OR51L1: variants seen among roughly 807,000 people sequenced by gnomAD.
OR51L1 encodes olfactory receptor 51L1.
A neutral mutation model predicts 1.4 loss-of-function variants in OR51L1; 1 was observed. The observed-to-expected ratio is 0.72, with a 90% confidence interval of 0.26 to 3.42. The LOEUF (loss-of-function observed/expected upper bound fraction) is 3.42. OR51L1 is among the 30% of genes most tolerant of loss of function. The pLI, the probability that OR51L1 is intolerant of heterozygous loss-of-function variation, is 0.20. For synonymous variants in OR51L1, 156 were observed against 144.2 expected, an observed-to-expected ratio of 1.08 and a Z score of -0.59; for missense variants, 378 against 380.0, an observed-to-expected ratio of 0.99 and a Z score of 0.04.
rs780928560 is a variant in OR51L1, at chr11:4,999,625, T to G, written c.643T>G (p.Phe215Val). The change falls in exon 3 of 3, where the codon TTC becomes GTC. Residue 215 changes from phenylalanine to valine, a missense_variant. Physicochemically the swap from Phe to Val is conservative, Grantham distance 50. Coordinates refer to ENST00000641819, the MANE Select transcript of OR51L1 (RefSeq NM_001004755.2). ...VIATLGVDSI[F>V]ILLSYVLILN... ...TGCCACACTAGGTGTGGATTCAATC[T>G]TCATACTTCTTTCTTATGTTCTGAT... The G allele has an allele frequency of 1.9e-6, 3 of 1,614,018 alleles. No individual in the cohort carries two copies. In the Admixed American group the frequency reaches 5.0e-5, roughly 27 times the overall value.
rs944191643 is a variant in OR51L1 at position 5,004,669 on chromosome 11, A to G, written c.*4739A>G. ...GTTTAACATCATGAATCTGTGAAGG[A>G]AAAAATGTCCATTGAGCCCAGTTCC... is the stretch of plus-strand genomic sequence containing the variant. On this transcript the variant is annotated 3_prime_UTR_variant, in exon 3 of 3. Coordinates refer to ENST00000641819, the MANE Select transcript of OR51L1 (RefSeq NM_001004755.2). The G allele has an allele frequency of 3.3e-5, 5 of 152,142 alleles. No individual in the cohort carries two copies. The highest frequency in any genetic ancestry group is 1.2e-4 in the African/African-American group (5 of 41,438). The allele number at this position is 152,142 out of a possible 1,614,324, so 9.4% of individuals were successfully genotyped here.
rs1197070730 is a variant in OR51L1 at position 5,005,318 on chromosome 11, A to G, written c.*5388A>G. The G allele has an allele frequency of 6.6e-6, 1 of 152,208 alleles. No homozygotes were observed. Among genetic ancestry groups the G allele is most frequent in the African/African-American group, 2.4e-5 (1 of 41,448 alleles). The allele number at this position is 152,208 out of a possible 1,614,324, so 9.4% of individuals were successfully genotyped here. A position where few individuals can be genotyped will look rare whatever the true frequency, so the allele number is the denominator to read the frequency against. ...CTTTACTCCCTTTCTCGCTTCAGAC[A>G]TTCACCTTATCTTACGTAAAATGTA... On this transcript the variant is annotated 3_prime_UTR_variant, in exon 3 of 3. Transcript: ENST00000641819.
Position 4,995,290 on chromosome 11 carries a change from A to T in OR51L1, c.-307A>T, listed in dbSNP as rs978004699. 9.2e-5 allele frequency: 14 copies of T among 152,082 alleles called. No homozygotes were observed. Among genetic ancestry groups the T allele is most frequent in the Non-Finnish European group, 1.5e-4 (10 of 67,962 alleles). The allele number at this position is 152,082 out of a possible 1,614,324, so 9.4% of individuals were successfully genotyped here. A position where few individuals can be genotyped will look rare whatever the true frequency, so the allele number is the denominator to read the frequency against. ...TTTGAGAAATGGGCTACTGATTGCAAATTAACTAGGCATATTGATTCAATT... is the reference window on the plus strand; with the variant it reads ...TTTGAGAAATGGGCTACTGATTGCATATTAACTAGGCATATTGATTCAATT... On this transcript the variant is annotated 5_prime_UTR_variant, in exon 1 of 3. Transcript: ENST00000641819.
At chr11:4,998,174 A>C (rs1847088832) in intron 2 of OR51L1, among the ~76,000 whole-genome samples, 1 of 149,428 alleles carries the variant, frequency 6.7e-6, no homozygotes, top group Non-Finnish European at 1.5e-5. Context: ...TTTTCAAACT[A>C]TTTAAACTCT....
rs1306821974 is a variant in OR51L1 at position 4,999,663 on chromosome 11, G to T, written c.681G>T (p.Val227=). The change falls in exon 3 of 3, where the codon GTG becomes GTT. Residue 227 remains valine (V), a synonymous_variant. Transcript: ENST00000641819. ...LLSYVLILNT[V]LDIASREEQL... ...CTTATGTTCTGATTCTTAATACTGT[G>T]CTGGATATTGCATCTCGTGAAGAGC... 2.5e-6 allele frequency: 4 copies of T among 1,613,854 alleles called. No individual in the cohort carries two copies. Among genetic ancestry groups the T allele is most frequent in the Non-Finnish European group, 2.5e-6 (3 of 1,179,990 alleles).
chr11:5,000,151 C>T lies in OR51L1; in HGVS notation c.*221C>T, dbSNP rs777508507. 2.3e-6 allele frequency: 1 copy of T among 430,296 alleles called. No individual in the cohort carries two copies. The highest frequency in any genetic ancestry group is 2.0e-5 in the African/African-American group (1 of 50,676). 26.7% of individuals were successfully genotyped at this position (430,296 alleles called of 1,614,324 possible). A position where few individuals can be genotyped will look rare whatever the true frequency, so the allele number is the denominator to read the frequency against. On this transcript the variant is annotated 3_prime_UTR_variant, in exon 3 of 3. Transcript: ENST00000641819. ...ACGTTGTCCCCAGGTCATTACAAGA[C>T]TTATAATAGAAAATGTATGTGCTAA...
rs1197714529 is a variant in OR51L1 at position 4,999,361 on chromosome 11, G to A, written c.379G>A (p.Ala127Thr). ...GGCCATGGCCTTTGACCGTTTTGTT[G>A]CTATCTGCCATCCACTGCACTACCC... ...LLAMAFDRFV[A>T]ICHPLHYPTI... is the part of the protein sequence containing the mutation. The change falls in exon 3 of 3, where the codon GCT becomes ACT. Residue 127 changes from alanine to threonine, a missense_variant. By Grantham distance (58) the Ala-to-Thr change is moderately conservative. Transcript: ENST00000641819. The A allele has an allele frequency of 6.2e-7, 1 of 1,614,044 alleles. No individual in the cohort carries two copies. Among genetic ancestry groups the A allele is most frequent in the Non-Finnish European group, 8.5e-7 (1 of 1,180,008 alleles).
chr11:4,999,818 C>G lies in OR51L1; in HGVS notation c.836C>G (p.Ala279Gly). 6.2e-7 allele frequency: 1 copy of G among 1,614,000 alleles called. No homozygotes were observed. Among genetic ancestry groups the G allele is most frequent in the Non-Finnish European group, 8.5e-7 (1 of 1,179,990 alleles). ...TCTCCCATAGTCCACATCCTCATGG[C>G]AGACATCTACCTTCTTCTTCCCCCA... ...HLSPIVHILMADIYLLLPPVL... is the reference protein window; with the variant it reads ...HLSPIVHILMGDIYLLLPPVL... Residue 279 changes from alanine (A) to glycine (G), a missense_variant, in exon 3 of 3, where the codon GCA becomes GGA. Transcript: ENST00000641819.
rs1278083045 is a variant in OR51L1, at chr11:4,999,893, G to T, written c.911G>T (p.Gly304Val). The change falls in exon 3 of 3, where the codon GGA becomes GTA. Residue 304 changes from glycine to valine, a missense_variant. By Grantham distance (109) the Gly-to-Val change is moderately radical. Transcript: ENST00000641819. ...GTCAGAACAAAGCAGATTCGTCTAG[G>T]AATTCTCCACAAGTTTGTCCTAAGG... ...YSVRTKQIRL[G>V]ILHKFVLRRR... is the part of the protein sequence containing the mutation. The T allele has an allele frequency of 6.2e-7, 1 of 1,613,096 alleles. No individual in the cohort carries two copies. Among genetic ancestry groups the T allele is most frequent in the Non-Finnish European group, 8.5e-7 (1 of 1,179,574 alleles).
Position 5,003,466 on chromosome 11 carries a change from G to A in OR51L1, c.*3536G>A, listed in dbSNP as rs1316890809. Reference sequence around the variant, plus strand: ...TTCTATTAGCAGTTTAGTGCAACAGGTGTGGACCATCAGGAAATGGCCTCT... The same window carrying A: ...TTCTATTAGCAGTTTAGTGCAACAGATGTGGACCATCAGGAAATGGCCTCT... On this transcript the variant is annotated 3_prime_UTR_variant, in exon 3 of 3. Transcript: ENST00000641819. The A allele has an allele frequency of 6.6e-6, 1 of 152,110 alleles. No individual in the cohort carries two copies. The highest frequency in any genetic ancestry group is 1.5e-5 in the Non-Finnish European group (1 of 68,106). The allele number at this position is 152,110 out of a possible 1,614,324, so 9.4% of individuals were successfully genotyped here.
In OR51L1 at chr11:4,999,886, C is replaced by T. The variant is rs139272622; in HGVS notation, c.904C>T (p.Arg302Cys). ...CTATAGTGTCAGAACAAAGCAGATT[C>T]GTCTAGGAATTCTCCACAAGTTTGT... ...IVYSVRTKQI[R>C]LGILHKFVLR... is the part of the protein sequence containing the mutation. The change falls in exon 3 of 3, where the codon CGT becomes TGT. Residue 302 changes from arginine (R) to cysteine (C), a missense_variant. Arg to Cys is a radical substitution (Grantham distance 180, BLOSUM62 -3). Coordinates refer to ENST00000641819, the MANE Select transcript of OR51L1 (RefSeq NM_001004755.2). 688 of 1,613,276 alleles carry T rather than the reference C, an allele frequency of 4.3e-4. 1 individual carries two copies. The highest frequency in any genetic ancestry group is 3.1e-3 in the Middle Eastern group (19 of 6,054).
chr11:5,005,007 C>CT lies in OR51L1; in HGVS notation c.*5078dup, dbSNP rs1847163893. ...CCTGAAGCTGAATCATTGCAACACT[C>CT]TCTTCCACATGAATAACTGTTACTA... is the stretch of plus-strand genomic sequence containing the variant. On this transcript the variant is annotated 3_prime_UTR_variant, in exon 3 of 3. Transcript: ENST00000641819. 6.6e-6 allele frequency: 1 copy of CT among 152,186 alleles called. No individual in the cohort carries two copies. The highest frequency in any genetic ancestry group is 2.1e-4 in the South Asian group (1 of 4,828). 9.4% of individuals were successfully genotyped at this position (152,186 alleles called of 1,614,324 possible). A position where few individuals can be genotyped will look rare whatever the true frequency, so the allele number is the denominator to read the frequency against.
rs61073391 is a variant in OR51L1 at position 4,996,721 on chromosome 11, T to TTTTCTTTCTTTCTTTCTTTCTTTCTTTC, written c.-261-740_-261-713dup. On this transcript the variant is annotated intron_variant, in intron 1 of 2. Transcript: ENST00000641819. The stretch of plus-strand genomic sequence containing the variant: ...TCTTTTCCTTCCTTCCTTTCTTTTC[T>TTTTCTTTCTTTCTTTCTTTCTTTCTTTC]TTTCTTTCTTTCTTTCTTTCTTTCT... Among the ~76,000 whole-genome samples, 131 of 106,350 alleles carry TTTTCTTTCTTTCTTTCTTTCTTTCTTTC rather than the reference T, an allele frequency of 1.2e-3. 2 individuals are homozygous for TTTTCTTTCTTTCTTTCTTTCTTTCTTTC. Among genetic ancestry groups the TTTTCTTTCTTTCTTTCTTTCTTTCTTTC allele is most frequent in the East Asian group, 3.2e-3 (13 of 4,092 alleles). 69.8% of individuals were successfully genotyped at this position (106,350 alleles called of 152,430 possible).
chr11:5,004,766 G>A lies in OR51L1; in HGVS notation c.*4836G>A, dbSNP rs535085957. On this transcript the variant is annotated 3_prime_UTR_variant, in exon 3 of 3. Coordinates refer to ENST00000641819, the MANE Select transcript of OR51L1 (RefSeq NM_001004755.2). Reference sequence around the variant, plus strand: ...TAAATAAATAACTGACACATTTGCTGATATTATCAATGATGTCCTTCTGTG... The same window carrying A: ...TAAATAAATAACTGACACATTTGCTAATATTATCAATGATGTCCTTCTGTG... 6.6e-6 allele frequency: 1 copy of A among 152,260 alleles called. No individual in the cohort carries two copies. Among genetic ancestry groups the A allele is most frequent in the Non-Finnish European group, 1.5e-5 (1 of 68,006 alleles). 9.4% of individuals were successfully genotyped at this position (152,260 alleles called of 1,614,324 possible).
chr11:4,996,114 T>C (rs1006782793), intron 1 of OR51L1, among the ~76,000 whole-genome samples: 29 of 152,050 alleles, frequency 1.9e-4, no homozygotes, highest in African/African-American at 6.8e-4. Context: ...GTTAATAATA[T>C]TGTAGAAATG....
rs1273386547 is a variant in OR51L1 at position 4,999,434 on chromosome 11, T to G, written c.452T>G (p.Leu151Trp). 1.2e-6 allele frequency: 2 copies of G among 1,614,188 alleles called. No individual in the cohort carries two copies. Among genetic ancestry groups the G allele is most frequent in the Non-Finnish European group, 1.7e-6 (2 of 1,180,026 alleles). The change falls in exon 3 of 3, where the codon TTG becomes TGG. Residue 151 changes from leucine (L) to tryptophan (W), a missense_variant. Physicochemically the swap from Leu to Trp is moderately conservative, Grantham distance 61. Transcript: ENST00000641819. ...ATTGGCAAAATTGGTTTGGCCTGTTTGCTACGAAGCTTGGGAGTTGTACTT... is the reference window on the plus strand; with the variant it reads ...ATTGGCAAAATTGGTTTGGCCTGTTGGCTACGAAGCTTGGGAGTTGTACTT... ...SVIGKIGLAC[L>W]LRSLGVVLPT...
chr11:4,998,275 C>T (rs1004306419), intron 2 of OR51L1, among the ~76,000 whole-genome samples: 3 of 150,244 alleles, frequency 2.0e-5, no homozygotes, highest in African/African-American at 4.9e-5. Flanking sequence ...GTTTTTTTAC[C>T]GTGAATTTTT....
Position 4,999,215 on chromosome 11 carries a change from C to T in OR51L1, c.233C>T (p.Ser78Phe), listed in dbSNP as rs752663337. The T allele has an allele frequency of 1.2e-6, 2 of 1,614,044 alleles. No individual in the cohort carries two copies. Among genetic ancestry groups the T allele is most frequent in the African/African-American group, 1.3e-5 (1 of 74,918 alleles). The change falls in exon 3 of 3, where the codon TCT (serine) becomes TTT (phenylalanine). Residue 78 changes from serine (S) to phenylalanine (F), a missense_variant. By Grantham distance (155) the Ser-to-Phe change is radical. Transcript: ENST00000641819. ...GTGAATGACCTGGGGATGTCCCTGT[C>T]TACACTTCCCACCATGCTTGCTGTG... ...LAVNDLGMSL[S>F]TLPTMLAVLW... is the part of the protein sequence containing the mutation.
intron 2 of OR51L1, among the ~76,000 whole-genome samples, chr11:4,998,605 T>C (rs1044432619): frequency 1.3e-5 from 2 of 152,150 alleles, no homozygotes; most frequent in Non-Finnish European, 2.9e-5. Flanking sequence ...GGCCAGAAAC[T>C]CATACAAATC....
Sources: allele counts gnomAD v4.1 joint callset (sites outside exome capture counted in the v4.1 genomes callset), GRCh38; gene constraint gnomAD v4.1.1; transcripts MANE v1.5; gene names NCBI Gene and HGNC (gene_info 2026-07-23, HGNC 2026-07-21).